CAMK1D: variants seen among roughly 807,000 people sequenced by gnomAD.
The protein encoded by CAMK1D is calcium/calmodulin dependent protein kinase ID.
CAMK1D carries 9 observed loss-of-function variants against 47.7 expected under a neutral mutation model. That is an observed-to-expected ratio of 0.19 (90% CI 0.11 to 0.33). The LOEUF is 0.33. CAMK1D is among the 10% of genes least tolerant of loss of function. The probability of loss-of-function intolerance (pLI) is 1.00; values close to 1 mark genes in which losing one functional copy is unlikely to be tolerated. For missense variants in CAMK1D, 291 were observed against 488.7 expected, an observed-to-expected ratio of 0.60 and a Z score of 3.81; for synonymous variants, 184 against 184.9, an observed-to-expected ratio of 0.99 and a Z score of 0.04.
chr10:12,816,204 T>G, intron 7 of CAMK1D, 46 bp from the exon 8 acceptor site: 1 of 1,538,162 alleles, frequency 6.5e-7, no homozygotes, highest in Non-Finnish European at 9.0e-7. Context: ...TTGTCACATC[T>G]CAAGTCGCAA....
chr10:12,795,581 T>C (rs1261789766), intron 6 of CAMK1D, among the ~76,000 whole-genome samples: 2 of 152,206 alleles, frequency 1.3e-5, no homozygotes, highest in Non-Finnish European at 2.9e-5. Context: ...TCTTATTTTT[T>C]ATTTTTGTTT....
intron 2 of CAMK1D, among the ~76,000 whole-genome samples, chr10:12,571,506 C>T (rs576170163): frequency 4.6e-5 from 7 of 151,872 alleles, no homozygotes; most frequent in South Asian, 2.1e-4. Flanking sequence ...TCCCAGGCCC[C>T]GCTGCAAACC....
intron 3 of CAMK1D, among the ~76,000 whole-genome samples, chr10:12,747,952 C>T (rs892870591): frequency 7.9e-5 from 12 of 152,272 alleles, no homozygotes; most frequent in African/African-American, 2.6e-4. Flanking sequence ...CTTTGTCTAC[C>T]GGTTTAAATG....
chr10:12,789,329 C>A (rs933255497), intron 5 of CAMK1D, among the ~76,000 whole-genome samples: 1 of 152,068 alleles, frequency 6.6e-6, no homozygotes, highest in Non-Finnish European at 1.5e-5. Context: ...GATTGGACAC[C>A]CATGTAAACC....
intron 3 of CAMK1D, among the ~76,000 whole-genome samples, chr10:12,685,331 A>C (rs1321801212): frequency 2.6e-5 from 4 of 152,184 alleles, no homozygotes. Flanking sequence ...AATAGTCATT[A>C]CTAACTCTGC....
intron 1 of CAMK1D, among the ~76,000 whole-genome samples, chr10:12,351,565 C>T (rs1187409475): frequency 3.9e-5 from 6 of 152,218 alleles, no homozygotes; most frequent in Admixed American, 3.9e-4. Context: ...CACCCGAGCC[C>T]CCCACACTGG....
At chr10:12,522,344 G>T (rs1588586438) in intron 1 of CAMK1D, among the ~76,000 whole-genome samples, 2 of 117,802 alleles carry the variant, frequency 1.7e-5, no homozygotes, top group Middle Eastern at 7.7e-3. Context: ...GGACCCTGCG[G>T]CCCTCCGCAG....
At chr10:12,687,904 T>C (rs151058834) in intron 3 of CAMK1D, among the ~76,000 whole-genome samples, 20 of 152,322 alleles carry the variant, frequency 1.3e-4, no homozygotes, top group African/African-American at 4.6e-4. Context: ...AGGAACATCT[T>C]GACTCATAAG....
intron 1 of CAMK1D, among the ~76,000 whole-genome samples, chr10:12,480,618 G>T (rs1425460297): frequency 6.6e-6 from 1 of 152,116 alleles, no homozygotes; most frequent in African/African-American, 2.4e-5. Flanking sequence ...CGTGGGGTGG[G>T]TTCTCTTATC....
At chr10:12,620,215 A>AAAAAAAAAAAAAT (rs1838956842) in intron 2 of CAMK1D, among the ~76,000 whole-genome samples, 1 of 134,410 alleles carries the variant, frequency 7.4e-6, no homozygotes, top group East Asian at 2.3e-4. Context: ...AAAAAAAAAA[A>AAAAAAAAAAAAAT]AAATAAAGCT....
At position 12,674,599 on chromosome 10, in the gene CAMK1D, C is replaced by CTTTTTTTTTTTTTTTTTTTTTTTTTTTTT. The variant is rs11391139; in HGVS notation, c.299+7807_299+7808insTTTTTTTTTTTTTTTTTTTTTTTTTTTTT. 6.3e-5 allele frequency among the ~76,000 whole-genome samples: 4 copies of CTTTTTTTTTTTTTTTTTTTTTTTTTTTTT among 63,472 alleles called. 1 individual carries two copies. The highest frequency in any genetic ancestry group is 1.3e-4 in the African/African-American group (2 of 15,204). The allele number at this position is 63,472 out of a possible 152,430, so 41.6% of individuals were successfully genotyped here. A position where few individuals can be genotyped will look rare whatever the true frequency, so the allele number is the denominator to read the frequency against. On this transcript the variant is annotated intron_variant, in intron 3 of 10. Transcript: ENST00000619168. Reference sequence around the variant, plus strand: ...TTTTATTTGGGTTTTTGGAAAAATGCTTTTTTTTTTTTTTTTTTCAGAATT... The same window carrying CTTTTTTTTTTTTTTTTTTTTTTTTTTTTT: ...TTTTATTTGGGTTTTTGGAAAAATGCTTTTTTTTTTTTTTTTTTTTTTTTTTTTTTTTTTTTTTTTTTTTTTTCAGAATT...
intron 1 of CAMK1D, among the ~76,000 whole-genome samples, chr10:12,448,305 G>A (rs934251373): frequency 4.7e-5 from 7 of 147,998 alleles, no homozygotes; most frequent in African/African-American, 1.8e-4. Flanking sequence ...GATTACAAGC[G>A]TGAGCCACGA....
intron 2 of CAMK1D, among the ~76,000 whole-genome samples, chr10:12,611,516 G>A (rs998066300): frequency 1.3e-5 from 2 of 150,754 alleles, no homozygotes; most frequent in Admixed American, 6.6e-5. Flanking sequence ...GCTCTGCTGT[G>A]TGGTACCTGC....
At chr10:12,541,446 C>T (rs1836167579) in intron 1 of CAMK1D, among the ~76,000 whole-genome samples, 1 of 152,202 alleles carries the variant, frequency 6.6e-6, no homozygotes, top group Non-Finnish European at 1.5e-5. Flanking sequence ...TCACTGCAAC[C>T]TCCGCTGCCT....
intron 3 of CAMK1D, among the ~76,000 whole-genome samples, chr10:12,738,697 T>A (rs1440357555): frequency 1.3e-5 from 2 of 151,964 alleles, no homozygotes; most frequent in Non-Finnish European, 2.9e-5. Context: ...CCGGGCGTGG[T>A]GGCTCGCACC....
intron 3 of CAMK1D, among the ~76,000 whole-genome samples, chr10:12,681,906 A>T (rs2132610466): frequency 6.6e-6 from 1 of 152,368 alleles, no homozygotes. Flanking sequence ...AAATTAAATG[A>T]TGAGAGCTTA....
At chr10:12,361,394 G>GCAC (rs1196423053) in intron 1 of CAMK1D, among the ~76,000 whole-genome samples, 1 of 150,884 alleles carries the variant, frequency 6.6e-6, no homozygotes, top group African/African-American at 2.4e-5. Context: ...TAACAGGCAT[G>GCAC]CACCACCACA....
chr10:12,465,847 A>G (rs1833573889), intron 1 of CAMK1D, among the ~76,000 whole-genome samples: 1 of 152,198 alleles, frequency 6.6e-6, no homozygotes, highest in Non-Finnish European at 1.5e-5. Flanking sequence ...CTGGACTGCT[A>G]CTTCACCTAA....
chr10:12,467,660 A>G (rs1050544122), intron 1 of CAMK1D, among the ~76,000 whole-genome samples: 3 of 152,216 alleles, frequency 2.0e-5, no homozygotes, highest in African/African-American at 7.2e-5. Flanking sequence ...CACTCATTTT[A>G]TGAGAGCGTT....
Sources: allele counts gnomAD v4.1 joint callset (sites outside exome capture counted in the v4.1 genomes callset), GRCh38; gene constraint gnomAD v4.1.1; transcripts MANE v1.5; gene names NCBI Gene and HGNC (gene_info 2026-07-23, HGNC 2026-07-21).